Variants in NCOR1 observed in about 807,000 individuals in gnomAD.
The protein encoded by NCOR1 is protein phosphatase 1, regulatory subunit 109.
Under a neutral mutation model 288.1 loss-of-function variants are expected in NCOR1, and 63 were observed. The ratio of observed to expected loss-of-function variants is 0.22; its 90% CI spans 0.18 to 0.27. The LOEUF (loss-of-function observed/expected upper bound fraction) is 0.27. Among genes scored for constraint, NCOR1 ranks in the 10% least tolerant of loss-of-function variants. The probability of loss-of-function intolerance (pLI) is 1.00; values close to 1 mark genes in which losing one functional copy is unlikely to be tolerated. For missense variants in NCOR1, 2,397 were observed against 3,019.2 expected, an observed-to-expected ratio of 0.79 and a Z score of 4.83; for synonymous variants, 1,007 against 1,065.9, an observed-to-expected ratio of 0.94 and a Z score of 1.08.
intron 9 of NCOR1, among the ~76,000 whole-genome samples, chr17:16,148,765 T>C (rs1486996706): frequency 7.4e-6 from 1 of 134,858 alleles, no homozygotes; most frequent in Non-Finnish European, 1.6e-5. Context: ...TTCCACCAAA[T>C]AAAGCTGCTG....
chr17:16,043,002 C>T (rs1462835576), intron 42 of NCOR1, among the ~76,000 whole-genome samples: 1 of 152,046 alleles, frequency 6.6e-6, no homozygotes, highest in African/African-American at 2.4e-5. Flanking sequence ...AAGAAGTGAG[C>T]CCTGGGGAAA....
rs544125329 is a variant in NCOR1 at position 16,045,987 on chromosome 17, A to G, written c.6679+964T>C. ...TACCACCGCACCCAGCTAATTTTTT[A>G]TATTTTGTAGAGATGGGGTCTCCCT... On this transcript the variant is annotated intron_variant, in intron 42 of 45. Coordinates refer to ENST00000268712, the MANE Select transcript of NCOR1 (RefSeq NM_006311.4). Among the ~76,000 whole-genome samples the G allele has an allele frequency of 2.0e-5, 3 of 152,118 alleles. No individual in the cohort carries two copies. In the South Asian group the frequency reaches 6.2e-4, roughly 32 times the overall value.
At chr17:16,164,036 G>A (rs975580281) in intron 5 of NCOR1, among the ~76,000 whole-genome samples, 3 of 152,074 alleles carry the variant, frequency 2.0e-5, no homozygotes, top group Admixed American at 1.3e-4. Context: ...GTTTCTTTTT[G>A]AAATGATAAA....
intron 1 of NCOR1, among the ~76,000 whole-genome samples, chr17:16,207,864 C>T (rs1351313317): frequency 2.6e-5 from 4 of 151,578 alleles, no homozygotes; most frequent in Non-Finnish European, 5.9e-5. Flanking sequence ...TTTTGTTCCT[C>T]GAGTACACTG....
In NCOR1 at chr17:16,215,424, G is replaced by T; in HGVS notation, c.-133C>A. 1 of 396,498 alleles carries T rather than the reference G, an allele frequency of 2.5e-6. No homozygotes were observed. The highest frequency in any genetic ancestry group is 1.3e-4 in the South Asian group (1 of 7,816). The allele number at this position is 396,498 out of a possible 1,614,324, so 24.6% of individuals were successfully genotyped here. A position where few individuals can be genotyped will look rare whatever the true frequency, so the allele number is the denominator to read the frequency against. On this transcript the variant is annotated 5_prime_UTR_variant, in exon 1 of 46. Coordinates refer to ENST00000268712, the MANE Select transcript of NCOR1 (RefSeq NM_006311.4). ...GGCCTGAGGAGTGGGACGCGGCCAC[G>T]GCGCGCGGCCCTACACCGGGACCTC... is the stretch of plus-strand genomic sequence containing the variant.
intron 18 of NCOR1, among the ~76,000 whole-genome samples, chr17:16,111,930 C>A (rs531730494): frequency 6.6e-6 from 1 of 152,208 alleles, no homozygotes; most frequent in African/African-American, 2.4e-5. Context: ...AGTGCAGTGG[C>A]GCCATCTCGG....
At chr17:16,069,421 G>C (rs2061492442) in intron 31 of NCOR1, among the ~76,000 whole-genome samples, 1 of 152,122 alleles carries the variant, frequency 6.6e-6, no homozygotes, top group African/African-American at 2.4e-5. Context: ...GCCCAGCCCA[G>C]GACGTACCAT....
intron 40 of NCOR1, among the ~76,000 whole-genome samples, chr17:16,054,332 T>C (rs1321584616): frequency 1.3e-5 from 2 of 152,070 alleles, no homozygotes; most frequent in Non-Finnish European, 2.9e-5. Context: ...ATCCAGCATG[T>C]ATAAAGAGCT....
chr17:16,181,380 T>C (rs913108804), intron 3 of NCOR1, among the ~76,000 whole-genome samples: 16 of 64,414 alleles, frequency 2.5e-4, no homozygotes, highest in African/African-American at 8.9e-4. Context: ...CTCCCCTATA[T>C]ATGGAATATT....
At chr17:16,200,286 G>A (rs910273494) in intron 1 of NCOR1, among the ~76,000 whole-genome samples, 1 of 151,796 alleles carries the variant, frequency 6.6e-6, no homozygotes, top group African/African-American at 2.4e-5. Flanking sequence ...AGGAGATCAA[G>A]ACCATCCTGG....
chr17:16,058,233 T>G (rs1186197382), intron 38 of NCOR1, 169 bp from the exon 39 acceptor site: 4 of 886,034 alleles, frequency 4.5e-6, no homozygotes, highest in Non-Finnish European at 6.5e-6. Context: ...TGAAGAAGTC[T>G]GAGGACTAGT....
intron 35 of NCOR1, 131 bp downstream of exon 35, chr17:16,063,937 A>T: frequency 8.1e-7 from 1 of 1,231,860 alleles, no homozygotes; most frequent in Non-Finnish European, 1.1e-6. Context: ...CCTGTTTTTC[A>T]CTTGGGGCCT....
rs1167957911 is a variant in NCOR1 at position 16,159,408 on chromosome 17, T to TATC, written c.619-538_619-536dup. 8.2e-5 allele frequency among the ~76,000 whole-genome samples: 7 copies of TATC among 85,322 alleles called. No homozygotes were observed. The Admixed American group carries it at 1.1e-3, about 13-fold the overall frequency. The allele number at this position is 85,322 out of a possible 152,430, so 56.0% of individuals were successfully genotyped here. A position where few individuals can be genotyped will look rare whatever the true frequency, so the allele number is the denominator to read the frequency against. Reference sequence around the variant, plus strand: ...AGCCTGGGCAACAAGAGCAAAACTCTATCTCAAAAAAAAAAAAAAAAAAAA... The same window carrying TATC: ...AGCCTGGGCAACAAGAGCAAAACTCTATCATCTCAAAAAAAAAAAAAAAAAAAA... On this transcript the variant is annotated intron_variant, in intron 5 of 45. Coordinates refer to ENST00000268712, the MANE Select transcript of NCOR1 (RefSeq NM_006311.4).
rs11299070 is a variant in NCOR1 at position 16,078,580 on chromosome 17, C to CT, written c.3501+1383dup. On this transcript the variant is annotated intron_variant, in intron 26 of 45. Coordinates refer to ENST00000268712, the MANE Select transcript of NCOR1 (RefSeq NM_006311.4). ...CACACTGACCCAATATAAATGGAGA[C>CT]TTTTTTTTTTTTTGAGACGGAGTCT... Among the ~76,000 whole-genome samples, 178 of 148,260 alleles carry CT rather than the reference C, an allele frequency of 1.2e-3. 1 individual carries two copies. The highest frequency in any genetic ancestry group is 3.7e-3 in the African/African-American group (151 of 40,422).
chr17:16,146,336 G>T, intron 10 of NCOR1, 40 bp downstream of exon 10: 2 of 1,519,118 alleles, frequency 1.3e-6, no homozygotes, highest in Admixed American at 2.2e-5. Flanking sequence ...ATAAATATTT[G>T]AAGAAAAATA....
At chr17:16,199,479 C>T (rs540200743) in intron 1 of NCOR1, among the ~76,000 whole-genome samples, 30 of 152,244 alleles carry the variant, frequency 2.0e-4, no homozygotes, top group African/African-American at 7.0e-4. Flanking sequence ...ACATTCCGAT[C>T]TAGTAAGAAT....
At chr17:16,130,454 C>A (rs796844886) in intron 14 of NCOR1, among the ~76,000 whole-genome samples, 11 of 152,270 alleles carry the variant, frequency 7.2e-5, no homozygotes, top group African/African-American at 2.2e-4. Flanking sequence ...TACACAGACA[C>A]AAATATTCGC....
intron 14 of NCOR1, among the ~76,000 whole-genome samples, chr17:16,134,342 A>C (rs2076084417): frequency 6.6e-6 from 1 of 152,202 alleles, no homozygotes; most frequent in Admixed American, 6.5e-5. Flanking sequence ...GTAAAATTGG[A>C]GGAAAAATCT....
At chr17:16,086,492 ACAACATGTT>A in intron 22 of NCOR1, 50 bp from the exon 23 acceptor site, 1 of 1,505,826 alleles carries the variant, frequency 6.6e-7, no homozygotes, top group South Asian at 1.2e-5. Context: ...TTCCTAGTTT[ACAACATGTT>A]ACCTCTCTCA....
Sources: gnomAD v4.1 joint callset for allele counts (sites outside exome capture counted in the v4.1 genomes callset) on GRCh38, gnomAD v4.1.1 for gene constraint, MANE v1.5 for transcripts, NCBI Gene and HGNC (gene_info 2026-07-23, HGNC 2026-07-21) for gene names.